The following KCNQ3 variants were observed in gnomAD, a reference collection of about 807,000 sequenced individuals.
The protein encoded by KCNQ3 is potassium voltage-gated channel subfamily KQT member 3.
A neutral mutation model predicts 92.5 loss-of-function variants in KCNQ3; 30 were observed. The observed-to-expected ratio is 0.32, with a 90% CI of 0.24 to 0.44. KCNQ3 has a LOEUF of 0.44. Ranked by LOEUF, KCNQ3 falls within the 20% of genes least tolerant of loss-of-function variation. KCNQ3 has a pLI of 1.00. For missense variants in KCNQ3, 913 were observed against 1,140.3 expected (o/e 0.80, Z 2.87); for synonymous variants, 450 against 468.8 (o/e 0.96, Z 0.52).
At chr8:132,131,339 A>G (rs562617517) in intron 14 of KCNQ3, among the ~76,000 whole-genome samples, 2 of 152,306 alleles carry the variant, frequency 1.3e-5, no homozygotes, top group Non-Finnish European at 2.9e-5. Flanking sequence ...AGATGATGCT[A>G]GATTATGAGC....
At chr8:132,184,517 AG>A in intron 2 of KCNQ3, 150 bp from the exon 3 acceptor site, 4 of 586,050 alleles carry the variant, frequency 6.8e-6, no homozygotes, top group South Asian at 6.0e-5. Context: ...GGGGTGGGGA[AG>A]GGGAACCGGG....
At chr8:132,405,521 C>T (rs1188798047) in intron 1 of KCNQ3, among the ~76,000 whole-genome samples, 7 of 152,266 alleles carry the variant, frequency 4.6e-5, no homozygotes, top group African/African-American at 1.2e-4. Flanking sequence ...ACTGGGTTGA[C>T]GGGTGAGTAC....
chr8:132,175,247 T>C (rs1292854422), intron 5 of KCNQ3, among the ~76,000 whole-genome samples: 3 of 152,246 alleles, frequency 2.0e-5, no homozygotes, highest in African/African-American at 7.2e-5. Flanking sequence ...CCTGGCTTCT[T>C]ATAAACGCTA....
At chr8:132,376,376 T>C (rs1463653587) in intron 1 of KCNQ3, among the ~76,000 whole-genome samples, 3 of 152,198 alleles carry the variant, frequency 2.0e-5, no homozygotes, top group East Asian at 1.9e-4. Context: ...CAGTCCACAA[T>C]TGTGCATTTA....
chr8:132,205,216 G>A (rs1813619841), intron 1 of KCNQ3, among the ~76,000 whole-genome samples: 2 of 152,252 alleles, frequency 1.3e-5, no homozygotes, highest in African/African-American at 4.8e-5. Context: ...ACAATCAGAA[G>A]AGAGAAGCAC....
chr8:132,407,251 G>A (rs184390969), intron 1 of KCNQ3, among the ~76,000 whole-genome samples: 4 of 152,288 alleles, frequency 2.6e-5, no homozygotes, highest in South Asian at 2.1e-4. Flanking sequence ...CACCTGCCTC[G>A]AATGGACCCA....
chr8:132,155,392 C>T (rs1320977819), intron 9 of KCNQ3, among the ~76,000 whole-genome samples: 2 of 152,168 alleles, frequency 1.3e-5, no homozygotes, highest in African/African-American at 2.4e-5. Context: ...ACTAGCTCTA[C>T]GCCATATGGA....
At chr8:132,148,240 AT>A (rs1176212562) in intron 9 of KCNQ3, among the ~76,000 whole-genome samples, 1 of 151,944 alleles carries the variant, frequency 6.6e-6, no homozygotes, top group Non-Finnish European at 1.5e-5. Flanking sequence ...GAAGAAGATG[AT>A]GGTAATTTCT....
intron 1 of KCNQ3, among the ~76,000 whole-genome samples, chr8:132,408,342 C>A (rs1463298100): frequency 1.3e-5 from 2 of 152,246 alleles, no homozygotes; most frequent in South Asian, 4.1e-4. Context: ...ATGGAGTGAG[C>A]TTCTGGGTGT....
intron 8 of KCNQ3, among the ~76,000 whole-genome samples, chr8:132,165,578 C>G (rs929919044): frequency 6.6e-6 from 1 of 152,152 alleles, no homozygotes; most frequent in South Asian, 2.1e-4. Flanking sequence ...CTAAGACAAC[C>G]ACTCTCACAC....
chr8:132,237,009 G>A (rs955080626), intron 1 of KCNQ3, among the ~76,000 whole-genome samples: 2 of 152,156 alleles, frequency 1.3e-5, no homozygotes, highest in African/African-American at 4.8e-5. Context: ...AGAGGATGCC[G>A]AGATTGAGGT....
At chr8:132,380,583 C>T (rs1819720331) in intron 1 of KCNQ3, among the ~76,000 whole-genome samples, 1 of 152,116 alleles carries the variant, frequency 6.6e-6, no homozygotes, top group Non-Finnish European at 1.5e-5. Context: ...CCCTCTCCAT[C>T]TCCCATCTCC....
intron 9 of KCNQ3, among the ~76,000 whole-genome samples, chr8:132,143,971 T>C (rs1357798223): frequency 6.6e-6 from 1 of 152,214 alleles, no homozygotes; most frequent in African/African-American, 2.4e-5. Flanking sequence ...TAATTCCAGA[T>C]AAACTAAGCA....
intron 1 of KCNQ3, among the ~76,000 whole-genome samples, chr8:132,343,745 C>G (rs930254359): frequency 6.6e-6 from 1 of 152,074 alleles, no homozygotes; most frequent in Non-Finnish European, 1.5e-5. Flanking sequence ...AGGTGGCATG[C>G]TTGTGGAGAC....
intron 1 of KCNQ3, among the ~76,000 whole-genome samples, chr8:132,207,820 T>C (rs902602141): frequency 7.3e-5 from 11 of 150,634 alleles, no homozygotes; most frequent in African/African-American, 2.7e-4. Flanking sequence ...CCCACCAGCA[T>C]GACACAAACA....
intron 1 of KCNQ3, among the ~76,000 whole-genome samples, chr8:132,252,871 T>G (rs4736410): frequency 0.57 from 86,711 of 152,016 alleles, 25,700 homozygotes; most frequent in East Asian, 0.81. Flanking sequence ...AGGCCTAGTG[T>G]TCTTCTATCC....
intron 13 of KCNQ3, among the ~76,000 whole-genome samples, chr8:132,133,105 T>C (rs919994378): frequency 6.6e-6 from 1 of 152,164 alleles, no homozygotes; most frequent in East Asian, 1.9e-4. Flanking sequence ...ATGTAAGCCA[T>C]CTCAAAAATT....
At chr8:132,366,088 C>T (rs11990162) in intron 1 of KCNQ3, among the ~76,000 whole-genome samples, 6,084 of 152,194 alleles carry the variant, frequency 0.04, 355 homozygotes, top group African/African-American at 0.13. Context: ...AGAATTGACA[C>T]CTTTATCTTG....
chr8:132,256,400 T>C (rs1387877038), intron 1 of KCNQ3, among the ~76,000 whole-genome samples: 1 of 152,238 alleles, frequency 6.6e-6, no homozygotes, highest in East Asian at 1.9e-4. Flanking sequence ...ACATGGAAGT[T>C]CCAGAGGGGA....
Sources: allele counts gnomAD v4.1 joint callset (sites outside exome capture counted in the v4.1 genomes callset), GRCh38; gene constraint gnomAD v4.1.1; transcripts MANE v1.5; gene names NCBI Gene and HGNC (gene_info 2026-07-23, HGNC 2026-07-21).